ARAP1: variants seen among roughly 807,000 people sequenced by gnomAD.
ARAP1 encodes the protein arf-GAP with Rho-GAP domain, ANK repeat and PH domain-containing protein 1.
ARAP1 carries 76 observed loss-of-function variants against 172.2 expected under a neutral mutation model. The ratio of observed to expected loss-of-function variants is 0.44; its 90% CI spans 0.37 to 0.53. The LOEUF (loss-of-function observed/expected upper bound fraction) is 0.53. Among genes scored for constraint, ARAP1 ranks in the 20% least tolerant of loss-of-function variants. ARAP1 has a pLI of 0.00. For missense variants in ARAP1, 1,686 were observed against 1,977.5 expected (o/e 0.85, Z 2.80); for synonymous variants, 804 against 803.3 (o/e 1.00, Z -0.01).
At chr11:72,688,792 C>A in intron 30 of ARAP1, 1 of 451,434 alleles carries the variant, frequency 2.2e-6, no homozygotes. Flanking sequence ...TCCGAGGCAG[C>A]CGTCCCAACT....
At chr11:72,705,500 G>A in intron 13 of ARAP1, 1 of 334,158 alleles carries the variant, frequency 3.0e-6, no homozygotes. Flanking sequence ...TTTCTCTAAA[G>A]GGCGAAATAG....
At position 72,711,453 on chromosome 11, in the gene ARAP1, G is replaced by A. The variant is rs1163338733; in HGVS notation, c.1069C>T (p.Leu357=). The change falls in exon 8 of 35, where the codon CTG becomes TTG. Residue 357 remains leucine, a synonymous_variant. Transcript: ENST00000393609. ...KRWVRLDTDH[L]RYFDSNKDAY... is the part of the protein sequence containing the mutation. ...ACCTTGTTACTGTCAAAGTATCGCA[G>A]GTGATCAGTATCCAGTCTCACCCAT... 6.2e-7 allele frequency: 1 copy of A among 1,612,872 alleles called. No individual in the cohort carries two copies. The highest frequency in any genetic ancestry group is 1.3e-5 in the African/African-American group (1 of 74,890).
At chr11:72,711,904 C>T (rs1857030407) in intron 7 of ARAP1, among the ~76,000 whole-genome samples, 1 of 151,998 alleles carries the variant, frequency 6.6e-6, no homozygotes, top group Non-Finnish European at 1.5e-5. Flanking sequence ...GCCATGTTGC[C>T]CAGAGTGGTC....
intron 1 of ARAP1, among the ~76,000 whole-genome samples, chr11:72,733,110 G>A (rs572008973): frequency 2.0e-4 from 30 of 152,328 alleles, no homozygotes; most frequent in African/African-American, 7.2e-4. Flanking sequence ...TCAGACCAGA[G>A]GAAGGCCTTC....
intron 1 of ARAP1, among the ~76,000 whole-genome samples, chr11:72,745,860 T>C (rs1239555553): frequency 6.6e-6 from 1 of 152,170 alleles, no homozygotes; most frequent in Non-Finnish European, 1.5e-5. Flanking sequence ...GAGCTGCTCC[T>C]GACCCGCAGC....
At position 72,714,177 on chromosome 11, in the gene ARAP1, C is replaced by A; in HGVS notation, c.654G>T (p.Lys218Asn). 1 of 1,511,498 alleles carries A rather than the reference C, an allele frequency of 6.6e-7. No individual in the cohort carries two copies. The allele number at this position is 1,511,498 out of a possible 1,614,324, so 93.6% of individuals were successfully genotyped here. A position where few individuals can be genotyped will look rare whatever the true frequency, so the allele number is the denominator to read the frequency against. ...PPPCPPEIPP[K>N]PVRLFPEFDD... The stretch of plus-strand genomic sequence containing the variant: ...CGAACTCTGGGAACAGGCGTACCGG[C>A]TTTGGAGGTATCTCCGGGGGGCAGG... The change falls in exon 4 of 35, where the codon AAG becomes AAT. Residue 218 changes from lysine (K) to asparagine (N), a missense_variant. Physicochemically the swap from Lys to Asn is moderately conservative, Grantham distance 94. Transcript: ENST00000393609.
chr11:72,693,139 C>A lies in ARAP1; in HGVS notation c.3954+186G>T. 1.1e-6 allele frequency: 1 copy of A among 899,548 alleles called. No homozygotes were observed. Among genetic ancestry groups the A allele is most frequent in the Non-Finnish European group, 1.6e-6 (1 of 607,994 alleles). 55.7% of individuals were successfully genotyped at this position (899,548 alleles called of 1,614,324 possible). ...GCCAGGGCTTAGTGGGGCTACAGGG[C>A]ACACTAGAGTGGCCGTCCAGGGCCA... On this transcript the variant is annotated intron_variant, in intron 29 of 34. Transcript: ENST00000393609. This position sits in a 1 kb window ranked among gnomAD's most constrained non-coding sequence, Gnocchi z 4.6.
rs376435940 is a variant in ARAP1, at chr11:72,706,808, G to A, written c.1723+367C>T. ...CAAAAACCAGCTCCTCCCTCTGCAT[G>A]CAAAGCCCTGCCTGGCCCCTGCCAA... is the stretch of plus-strand genomic sequence containing the variant. On this transcript the variant is annotated intron_variant, in intron 12 of 34. Transcript: ENST00000393609. 4.0e-4 allele frequency among the ~76,000 whole-genome samples: 61 copies of A among 152,210 alleles called. 1 individual carries two copies. In the South Asian group the frequency reaches 0.013, roughly 32 times the overall value.
intron 12 of ARAP1, 144 bp downstream of exon 12, chr11:72,707,029 TCA>T: frequency 2.3e-6 from 2 of 851,440 alleles, no homozygotes; most frequent in Non-Finnish European, 1.7e-6. Flanking sequence ...TCAAAGCTAA[TCA>T]CAGGTGTGCA....
At chr11:72,690,451 G>A (rs1855890781) in intron 30 of ARAP1, among the ~76,000 whole-genome samples, 3 of 152,158 alleles carry the variant, frequency 2.0e-5, no homozygotes, top group Admixed American at 2.0e-4. Context: ...GTGTAGTGGT[G>A]CAATCTCAGC....
At position 72,709,871 on chromosome 11, in the gene ARAP1, T is replaced by C. The variant is rs756340094; in HGVS notation, c.1522A>G (p.Ser508Gly). 19 of 1,614,012 alleles carry C rather than the reference T, an allele frequency of 1.2e-5. No homozygotes were observed. The South Asian group carries it at 1.9e-4, about 16-fold the overall frequency. The change falls in exon 11 of 35, where the codon AGC becomes GGC. Residue 508 changes from serine (S) to glycine (G), a missense_variant and splice_region_variant. By Grantham distance (56) the Ser-to-Gly change is moderately conservative. Coordinates refer to ENST00000393609, the MANE Select transcript of ARAP1 (RefSeq NM_001040118.3). ...FDLTTPYRIF[S>G]FSADSELEKE... is the part of the protein sequence containing the mutation. The stretch of plus-strand genomic sequence containing the variant: ...TGAGCCAAGAAGATGGAGGGTCACC[T>C]GAAGATGCGGTAGGGCGTGGTGAGG...
chr11:72,718,897 G>A (rs1254485131), intron 3 of ARAP1, among the ~76,000 whole-genome samples: 2 of 152,106 alleles, frequency 1.3e-5, no homozygotes, highest in African/African-American at 4.8e-5. Context: ...CACTCAGCAG[G>A]GACTTACAAA....
chr11:72,722,557 A>C (rs952993032), intron 3 of ARAP1, among the ~76,000 whole-genome samples: 1 of 152,222 alleles, frequency 6.6e-6, no homozygotes, highest in African/African-American at 2.4e-5. Flanking sequence ...AGGCTAGGAA[A>C]GAGGCTCTCT....
Position 72,710,109 on chromosome 11 carries a change from A to G in ARAP1, c.1417-133T>C. On this transcript the variant is annotated intron_variant, in intron 10 of 34. Transcript: ENST00000393609. This position sits in a 1 kb window ranked among gnomAD's most constrained non-coding sequence, Gnocchi z 4.3. Reference sequence around the variant, plus strand: ...GCCCAGGAGGGAGACAGCAGGGGACATGGGAGGCTGGGCAGGGTAAGGGGC... The same window carrying G: ...GCCCAGGAGGGAGACAGCAGGGGACGTGGGAGGCTGGGCAGGGTAAGGGGC... 1 of 854,004 alleles carries G rather than the reference A, an allele frequency of 1.2e-6. No homozygotes were observed. The highest frequency in any genetic ancestry group is 1.9e-6 in the Non-Finnish European group (1 of 519,720). The allele number at this position is 854,004 out of a possible 1,614,324, so 52.9% of individuals were successfully genotyped here. A position where few individuals can be genotyped will look rare whatever the true frequency, so the allele number is the denominator to read the frequency against.
intron 1 of ARAP1, among the ~76,000 whole-genome samples, chr11:72,748,519 C>CA (rs34380924): frequency 0.22 from 30,029 of 139,018 alleles, 3,656 homozygotes; most frequent in African/African-American, 0.35. Flanking sequence ...GACTCCATCT[C>CA]AAAAAAAAAA....
rs549862951 is a variant in ARAP1 at position 72,687,720 on chromosome 11, C to T, written c.4089G>A (p.Val1363=). 3 of 1,614,202 alleles carry T rather than the reference C, an allele frequency of 1.9e-6. No homozygotes were observed. Among genetic ancestry groups the T allele is most frequent in the African/African-American group, 1.3e-5 (1 of 75,052 alleles). ...RPPTCWGFTV[V]HETEKHEKQQ... is the part of the protein sequence containing the mutation. ...GCTTCTCATGTTTCTCTGTCTCATG[C>T]ACCACTGTGAAGCCCCAGCTACAGA... Residue 1363 remains valine (V), a synonymous_variant, in exon 32 of 35, where the codon GTG becomes GTA. Coordinates refer to ENST00000393609, the MANE Select transcript of ARAP1 (RefSeq NM_001040118.3).
chr11:72,712,738 C>G lies in ARAP1; in HGVS notation c.748-170G>C, dbSNP rs1463395824. ...CTGCCAGCGGAGACCACACAGAGACCCAGATCACAGGGACAGGAGAGCCAG... is the reference window on the plus strand; with the variant it reads ...CTGCCAGCGGAGACCACACAGAGACGCAGATCACAGGGACAGGAGAGCCAG... On this transcript the variant is annotated intron_variant, in intron 5 of 34. Transcript: ENST00000393609. The G allele has an allele frequency of 4.5e-6, 5 of 1,113,362 alleles. No individual in the cohort carries two copies. The Admixed American group carries it at 8.0e-5, about 18-fold the overall frequency. The allele number at this position is 1,113,362 out of a possible 1,614,324, so 69.0% of individuals were successfully genotyped here. A position where few individuals can be genotyped will look rare whatever the true frequency, so the allele number is the denominator to read the frequency against.
chr11:72,703,869 A>C, intron 14 of ARAP1: 1 of 457,622 alleles, frequency 2.2e-6, no homozygotes, highest in Non-Finnish European at 3.9e-6. Context: ...GGCAGGATTC[A>C]GAAGCAACCG....
intron 30 of ARAP1, among the ~76,000 whole-genome samples, chr11:72,691,598 A>T (rs977553651): frequency 6.6e-6 from 1 of 152,202 alleles, no homozygotes; most frequent in Non-Finnish European, 1.5e-5. Flanking sequence ...AAATGCAAAG[A>T]GAAGGAGATG....
Sources: allele counts gnomAD v4.1 joint callset (sites outside exome capture counted in the v4.1 genomes callset), GRCh38; gene constraint gnomAD v4.1.1; non-coding constraint Gnocchi (gnomAD v3.1); transcripts MANE v1.5; gene names NCBI Gene and HGNC (gene_info 2026-07-23, HGNC 2026-07-21).